BDP1: variants seen among roughly 807,000 people sequenced by gnomAD.
BDP1 encodes the protein transcription factor TFIIIB component B'' homolog.
BDP1 carries 169 observed loss-of-function variants against 266.6 expected under a neutral mutation model. The ratio of observed to expected loss-of-function variants is 0.63; its 90% CI spans 0.56 to 0.72. The LOEUF (loss-of-function observed/expected upper bound fraction) is 0.72. Ranked by LOEUF, BDP1 falls within the 30% of genes least tolerant of loss-of-function variation. The probability of loss-of-function intolerance (pLI) is 0.00; values close to 1 mark genes in which losing one functional copy is unlikely to be tolerated. For missense variants in BDP1, 3,015 were observed against 3,053.8 expected (o/e 0.99, Z 0.30); for synonymous variants, 1,090 against 1,022.4 (o/e 1.07, Z -1.26).
chr5:71,472,876 T>TTC (rs761994760), intron 7 of BDP1, among the ~76,000 whole-genome samples: 112 of 116,472 alleles, frequency 9.6e-4, no homozygotes, highest in African/African-American at 3.1e-3. Flanking sequence ...AATTTGTATT[T>TTC]TCTCTCTCTC....
rs566553619 is a variant in BDP1, at chr5:71,476,668, G to A, written c.1014+6179G>A. ...CCCTTCTCCTGCTTCAGCCTCCTGAGTAGCTTGGAATTACAGGCGCGTGCC... is the reference window on the plus strand; with the variant it reads ...CCCTTCTCCTGCTTCAGCCTCCTGAATAGCTTGGAATTACAGGCGCGTGCC... On this transcript the variant is annotated intron_variant, in intron 7 of 38. Coordinates refer to ENST00000358731, the MANE Select transcript of BDP1 (RefSeq NM_018429.3). 2.6e-5 allele frequency among the ~76,000 whole-genome samples: 4 copies of A among 151,858 alleles called. No individual in the cohort carries two copies. The South Asian group carries it at 6.3e-4, about 24-fold the overall frequency.
intron 6 of BDP1, among the ~76,000 whole-genome samples, chr5:71,470,008 A>G (rs982962943): frequency 7.3e-5 from 11 of 151,452 alleles, no homozygotes; most frequent in African/African-American, 2.7e-4. Flanking sequence ...TGCCCAGCTA[A>G]TTTTGTATTT....
intron 26 of BDP1, 49 bp from the exon 27 acceptor site, chr5:71,538,993 C>A: frequency 7.9e-7 from 1 of 1,265,478 alleles, no homozygotes; most frequent in Non-Finnish European, 1.2e-6. Flanking sequence ...AGAAACAGAA[C>A]ATGTTTGGGG....
intron 26 of BDP1, 140 bp downstream of exon 26, chr5:71,532,567 G>A (rs1192264325): frequency 1.5e-6 from 1 of 688,894 alleles, no homozygotes; most frequent in Non-Finnish European, 2.3e-6. Context: ...AGTCTGAGTA[G>A]TAAAAACTAG....
intron 20 of BDP1, among the ~76,000 whole-genome samples, chr5:71,515,795 T>G (rs1019566533): frequency 6.6e-6 from 1 of 152,142 alleles, no homozygotes; most frequent in Non-Finnish European, 1.5e-5. Context: ...CTCATTCTCC[T>G]CCTCTTCCAG....
intron 7 of BDP1, among the ~76,000 whole-genome samples, chr5:71,482,137 T>C (rs1763003687): frequency 6.6e-6 from 1 of 152,242 alleles, no homozygotes; most frequent in South Asian, 2.1e-4. Context: ...CCTTATATTC[T>C]GGACATATGC....
chr5:71,562,867 A>G, intron 38 of BDP1: 1 of 1,294,062 alleles, frequency 7.7e-7, no homozygotes, highest in Non-Finnish European at 1.0e-6. Flanking sequence ...CACATGTTTC[A>G]TTTCTATGTC....
chr5:71,479,023 C>T (rs1762767589), intron 7 of BDP1, among the ~76,000 whole-genome samples: 4 of 151,926 alleles, frequency 2.6e-5, no homozygotes, highest in Admixed American at 6.6e-5. Context: ...CTGTAATTTT[C>T]ACCTGGTTTT....
intron 20 of BDP1, 151 bp downstream of exon 20, chr5:71,515,273 A>G (rs759383078): frequency 3.1e-6 from 2 of 639,802 alleles, no homozygotes; most frequent in Non-Finnish European, 5.2e-6. Context: ...CCTAAAATAT[A>G]ATATCAGATT....
At chr5:71,515,254 A>G (rs1042889886) in intron 20 of BDP1, 132 bp downstream of exon 20, 25 of 698,508 alleles carry the variant, frequency 3.6e-5, no homozygotes, top group Non-Finnish European at 5.7e-5. Context: ...TTATTGATAC[A>G]GCAGACTGCC....
intron 13 of BDP1, among the ~76,000 whole-genome samples, chr5:71,500,961 AT>A (rs1256467773): frequency 6.6e-6 from 1 of 151,932 alleles, no homozygotes; most frequent in Non-Finnish European, 1.5e-5. Context: ...TTAGCTGGGC[AT>A]AGTGTGCACC....
intron 16 of BDP1, among the ~76,000 whole-genome samples, chr5:71,508,783 C>T (rs1012795358): frequency 6.6e-4 from 100 of 152,082 alleles, no homozygotes; most frequent in African/African-American, 2.3e-3. Context: ...GAAAGCAAAA[C>T]AAAAAGTGCT....
At chr5:71,474,427 A>G (rs1050842939) in intron 7 of BDP1, among the ~76,000 whole-genome samples, 17 of 151,870 alleles carry the variant, frequency 1.1e-4, no homozygotes, top group African/African-American at 3.4e-4. Context: ...GGCTCAAGCA[A>G]TCCCCTGCCT....
At chr5:71,532,880 T>G (rs1766339906) in intron 26 of BDP1, among the ~76,000 whole-genome samples, 1 of 152,334 alleles carries the variant, frequency 6.6e-6, no homozygotes, top group Admixed American at 6.5e-5. Flanking sequence ...ACAGTCAATT[T>G]TAGGACATTT....
chr5:71,513,110 C>A, intron 18 of BDP1, 75 bp from the exon 19 acceptor site: 3 of 897,936 alleles, frequency 3.3e-6, no homozygotes, highest in Non-Finnish European at 5.2e-6. Context: ...CCGCCAGTCT[C>A]TAAGGTTGTA....
intron 8 of BDP1, among the ~76,000 whole-genome samples, chr5:71,484,491 T>A (rs184335299): frequency 1.9e-4 from 29 of 152,248 alleles, no homozygotes; most frequent in African/African-American, 6.3e-4. Context: ...TTTTTCCTAA[T>A]GATCATTGGA....
intron 37 of BDP1, among the ~76,000 whole-genome samples, chr5:71,562,069 C>G (rs1045943038): frequency 6.6e-6 from 1 of 151,738 alleles, no homozygotes; most frequent in East Asian, 1.9e-4. Context: ...ATGGTGAAAC[C>G]CCGTCTCTAC....
rs1026571205 is a variant in BDP1, at chr5:71,486,601, C to G, written c.1187C>G (p.Ser396Cys). 1.3e-6 allele frequency: 2 copies of G among 1,525,410 alleles called. No homozygotes were observed. Among genetic ancestry groups the G allele is most frequent in the Non-Finnish European group, 1.7e-6 (2 of 1,149,702 alleles). The allele number at this position is 1,525,410 out of a possible 1,614,324, so 94.5% of individuals were successfully genotyped here. ...VKNHSLKEKKSTKPRKNVKVK... is the reference protein window; with the variant it reads ...VKNHSLKEKKCTKPRKNVKVK... ...AATCACAGTTTAAAGGAGAAGAAAT[C>G]CACCAAACCACGGAAAAATGTAAAA... is the stretch of plus-strand genomic sequence containing the variant. Residue 396 changes from serine (S) to cysteine (C), a missense_variant, in exon 9 of 39, where the codon TCC (serine) becomes TGC (cysteine). This residue lies in a region of BDP1 where 2,383 missense variants were observed against 2,404.9 expected (regional missense o/e 0.99). Transcript: ENST00000358731.
intron 12 of BDP1, among the ~76,000 whole-genome samples, chr5:71,496,438 A>AT (rs10682137): frequency 0.32 from 44,858 of 138,462 alleles, 7,855 homozygotes; most frequent in East Asian, 0.51. Context: ...ACATTTATGA[A>AT]TTTTTTTTTT....
Sources: gnomAD v4.1 joint callset for allele counts (sites outside exome capture counted in the v4.1 genomes callset) on GRCh38, gnomAD v4.1.1 for gene constraint, gnomAD v4.1.1 regional missense constraint, MANE v1.5 for transcripts, NCBI Gene and HGNC (gene_info 2026-07-23, HGNC 2026-07-21) for gene names.